SYTL5: variants seen among roughly 807,000 people sequenced by gnomAD.
The protein encoded by SYTL5 is synaptotagmin like 5, also known as synaptotagmin-like protein 5.
Under a neutral mutation model 55.9 loss-of-function variants are expected in SYTL5, and 34 were observed. The observed-to-expected ratio is 0.61, with a 90% CI of 0.46 to 0.81. The LOEUF (loss-of-function observed/expected upper bound fraction) is 0.81. Ranked by LOEUF, SYTL5 falls within the 30% of genes least tolerant of loss-of-function variation. The pLI is 0.00. For missense variants in SYTL5, 637 were observed against 546.7 expected (o/e 1.17, Z -1.65); for synonymous variants, 221 against 188.7 (o/e 1.17, Z -1.40).
At chrX:38,006,259 G>A (rs186368689), upstream of SYTL5, among the ~76,000 whole-genome samples, 18 of 111,749 alleles carry the variant, frequency 1.6e-4, no homozygotes, top group Non-Finnish European at 3.0e-4. Context: ...TTGTTATCAC[G>A]TTTCTCCCAG....
the SYTL5 span, among the ~76,000 whole-genome samples, chrX:37,951,267 G>A: frequency 1.8e-4 from 20 of 111,494 alleles, no homozygotes; most frequent in Non-Finnish European, 1.9e-5. Context: ...GTAAATAAGT[G>A]AATTGATTTC....
chrX:38,075,949 A>G (rs1936379607), intron 5 of SYTL5, among the ~76,000 whole-genome samples: 1 of 112,292 alleles, frequency 8.9e-6, no homozygotes, highest in Admixed American at 9.4e-5. Flanking sequence ...TTCTGCTTAA[A>G]CCCCAAATAA....
chrX:38,060,171 T>G (rs181098611), intron 3 of SYTL5, among the ~76,000 whole-genome samples: 24 of 112,179 alleles, frequency 2.1e-4, no homozygotes, highest in Non-Finnish European at 9.4e-5. Context: ...AGATTGTGTA[T>G]TCACACATTT....
chrX:37,916,815 C>T, the SYTL5 span, among the ~76,000 whole-genome samples: 61 of 111,967 alleles, frequency 5.4e-4, no homozygotes, highest in African/African-American at 1.9e-3. Flanking sequence ...TTTGCTACAG[C>T]TGATGAAGCA....
At chrX:38,092,868 C>A (rs1015534082) in intron 7 of SYTL5, among the ~76,000 whole-genome samples, 1 of 111,913 alleles carries the variant, frequency 8.9e-6, no homozygotes, top group Non-Finnish European at 1.9e-5. Context: ...GCTTGACACC[C>A]TGAACCTCCA....
chrX:38,046,569 A>G (rs1013124392), intron 2 of SYTL5, among the ~76,000 whole-genome samples: 2 of 112,004 alleles, frequency 1.8e-5, no homozygotes, highest in Non-Finnish European at 3.8e-5. Context: ...TGGGAACTAC[A>G]ATTCAAGATG....
At chrX:37,911,648 T>C in the SYTL5 span, among the ~76,000 whole-genome samples, 1 of 111,820 alleles carries the variant, frequency 8.9e-6, no homozygotes, top group African/African-American at 3.3e-5. Flanking sequence ...AGACCAACAG[T>C]GAGCTACATC....
intron 13 of SYTL5, among the ~76,000 whole-genome samples, chrX:38,117,812 G>C (rs1937517703): frequency 8.9e-6 from 1 of 111,963 alleles, no homozygotes; most frequent in Admixed American, 9.5e-5. Context: ...GCCTCTCTTA[G>C]TACGAGTTCC....
chrX:37,920,973 A>G, the SYTL5 span, among the ~76,000 whole-genome samples: 2 of 111,309 alleles, frequency 1.8e-5, no homozygotes, highest in African/African-American at 6.5e-5. Context: ...CAAAGGTCAC[A>G]TGATTATTTT....
At chrX:38,073,860 G>T (rs1936327042) in intron 5 of SYTL5, among the ~76,000 whole-genome samples, 162 bp downstream of exon 5, 1 of 111,921 alleles carries the variant, frequency 8.9e-6, no homozygotes, top group Non-Finnish European at 1.9e-5. Context: ...AGGAAATGCA[G>T]TTTTAATAAT....
chrX:37,951,198 G>A, the SYTL5 span, among the ~76,000 whole-genome samples: 1 of 111,198 alleles, frequency 9.0e-6, no homozygotes, highest in Non-Finnish European at 1.9e-5. Context: ...GGAAATAAAT[G>A]CTAAACTCCA....
At chrX:38,054,066 C>A (rs1442379535) in intron 2 of SYTL5, 147 bp from the exon 3 acceptor site, 1 of 450,162 alleles carries the variant, frequency 2.2e-6, no homozygotes. Context: ...TTTCAAAATT[C>A]TAAGTGAGAT....
chrX:38,077,273 C>T (rs1936415970), intron 6 of SYTL5, among the ~76,000 whole-genome samples: 1 of 110,967 alleles, frequency 9.0e-6, no homozygotes, highest in Non-Finnish European at 1.9e-5. Flanking sequence ...TTATATCAGG[C>T]GTGATTTTCT....
chrX:38,020,408 CATATATATATATATATATATATAT>C (rs59575156), intron 1 of SYTL5, among the ~76,000 whole-genome samples: 42 of 58,568 alleles, frequency 7.2e-4, no homozygotes, highest in South Asian at 2.4e-3. Flanking sequence ...TATGTGTGTG[CATATATATATATATATATATATAT>C]ATATATATAT....
intron 5 of SYTL5, 120 bp from the exon 6 acceptor site, chrX:38,076,447 C>A: frequency 1.6e-6 from 1 of 626,760 alleles, no homozygotes; most frequent in Non-Finnish European, 2.4e-6. Flanking sequence ...CCTCTCAGCC[C>A]TAAGGCTGCT....
intron 1 of SYTL5, chrX:38,023,856 T>C (rs1934654569): frequency 9.1e-6 from 1 of 110,250 alleles, no homozygotes; most frequent in Non-Finnish European, 1.9e-5. Context: ...TCTTTAAAAA[T>C]ATCAAAATAC....
intron 2 of SYTL5, among the ~76,000 whole-genome samples, chrX:38,052,498 A>T (rs747282883): frequency 6.3e-5 from 7 of 111,975 alleles, no homozygotes; most frequent in Non-Finnish European, 9.4e-5. Context: ...TCTTTTTATG[A>T]ATCTATCATC....
chrX:37,982,401 A>T, the SYTL5 span, among the ~76,000 whole-genome samples: 1 of 112,110 alleles, frequency 8.9e-6, no homozygotes. Flanking sequence ...GAAAAAAAGA[A>T]TTTAAAAAAA....
the SYTL5 span, among the ~76,000 whole-genome samples, chrX:37,967,544 G>A: frequency 5.2e-4 from 58 of 111,111 alleles, no homozygotes; most frequent in South Asian, 2.6e-3. Context: ...GATTTTCTGC[G>A]TTCATCTTAT....
Sources: gnomAD v4.1 joint callset for allele counts (sites outside exome capture counted in the v4.1 genomes callset) on GRCh38, gnomAD v4.1.1 for gene constraint, MANE v1.5 for transcripts, NCBI Gene and HGNC (gene_info 2026-07-23, HGNC 2026-07-21) for gene names.